DAPK1: variants seen among roughly 807,000 people sequenced by gnomAD.
DAPK1 encodes death-associated protein kinase 1.
A neutral mutation model predicts 144.9 loss-of-function variants in DAPK1; 56 were observed. The ratio of observed to expected loss-of-function variants is 0.39; its 90% CI spans 0.31 to 0.48. The LOEUF (loss-of-function observed/expected upper bound fraction) is 0.48, where lower values mean the gene tolerates loss of function less well. Among genes scored for constraint, DAPK1 ranks in the 20% least tolerant of loss-of-function variants. The pLI is 0.95. For synonymous variants in DAPK1, 690 were observed against 749.0 expected, an observed-to-expected ratio of 0.92 and a Z score of 1.29; for missense variants, 1,454 against 1,875.4, an observed-to-expected ratio of 0.78 and a Z score of 4.15.
intron 3 of DAPK1, among the ~76,000 whole-genome samples, chr9:87,613,966 C>T (rs889254178): frequency 2.0e-5 from 3 of 152,158 alleles, no homozygotes; most frequent in African/African-American, 4.8e-5. Flanking sequence ...TCTGGCATCC[C>T]GCTCCTCAGA....
intron 17 of DAPK1, chr9:87,657,354 C>T (rs1234314028): frequency 6.5e-6 from 1 of 153,030 alleles, no homozygotes; most frequent in Non-Finnish European, 1.5e-5. Context: ...TGGACACGGC[C>T]TCATTTCCTG....
At chr9:87,555,440 CACAA>C (rs1454517193) in intron 2 of DAPK1, among the ~76,000 whole-genome samples, 1 of 151,990 alleles carries the variant, frequency 6.6e-6, no homozygotes, top group Non-Finnish European at 1.5e-5. Flanking sequence ...GTATTAGTAA[CACAA>C]ACAACAACAG....
At chr9:87,659,815 T>C (rs1481262185) in intron 18 of DAPK1, among the ~76,000 whole-genome samples, 8 of 148,552 alleles carry the variant, frequency 5.4e-5, no homozygotes, top group African/African-American at 2.1e-4. Context: ...TCAGTCACTC[T>C]GCACACACCG....
chr9:87,674,948 G>A (rs1043855056), intron 19 of DAPK1, among the ~76,000 whole-genome samples: 1 of 152,214 alleles, frequency 6.6e-6, no homozygotes, highest in African/African-American at 2.4e-5. Flanking sequence ...ACACTGAAAA[G>A]ATATTTCCAG....
chr9:87,598,079 T>C (rs1828383179), intron 2 of DAPK1, among the ~76,000 whole-genome samples: 1 of 152,222 alleles, frequency 6.6e-6, no homozygotes, highest in African/African-American at 2.4e-5. Context: ...TATTATCAGA[T>C]GTTAACTCAT....
intron 3 of DAPK1, among the ~76,000 whole-genome samples, chr9:87,634,919 C>T (rs1829837537): frequency 6.6e-6 from 1 of 152,150 alleles, no homozygotes; most frequent in Non-Finnish European, 1.5e-5. Flanking sequence ...GGTTTGAAGC[C>T]ACATGGGAAG....
chr9:87,701,789 T>G, intron 24 of DAPK1: 1 of 457,886 alleles, frequency 2.2e-6, no homozygotes, highest in South Asian at 1.6e-5. Flanking sequence ...AGATTCTGGT[T>G]CTAGATGTGC....
intron 21 of DAPK1, among the ~76,000 whole-genome samples, chr9:87,687,606 G>A (rs560216505): frequency 4.6e-5 from 7 of 152,196 alleles, no homozygotes; most frequent in African/African-American, 1.2e-4. Context: ...AAACATGGGC[G>A]TGCACGTATC....
rs369586281 is a variant in DAPK1, at chr9:87,665,068, C to CT, written c.1924-3526dup. On this transcript the variant is annotated intron_variant, in intron 18 of 25. Coordinates refer to ENST00000408954, the MANE Select transcript of DAPK1 (RefSeq NM_004938.4). Reference sequence around the variant, plus strand: ...TCGAGCTTCACCTTCTCAGGGAGGCCTTTCTGGACCACCCTATTTTAAATC... The same window carrying CT: ...TCGAGCTTCACCTTCTCAGGGAGGCCTTTTCTGGACCACCCTATTTTAAATC... Among the ~76,000 whole-genome samples the CT allele has an allele frequency of 3.2e-3, 492 of 152,284 alleles. 4 individuals are homozygous for CT. Among genetic ancestry groups the CT allele is most frequent in the African/African-American group, 0.011 (475 of 41,536 alleles).
chr9:87,650,981 A>G (rs544460799), intron 16 of DAPK1, among the ~76,000 whole-genome samples: 1 of 152,334 alleles, frequency 6.6e-6, no homozygotes, highest in Non-Finnish European at 1.5e-5. Flanking sequence ...AACTCAACAC[A>G]TCTATTCATT....
Position 87,706,121 on chromosome 9 carries a change from T to TC in DAPK1, c.3061-5dup, listed in dbSNP as rs767860793. The TC allele has an allele frequency of 7.6e-6, 12 of 1,570,286 alleles. No homozygotes were observed. Among genetic ancestry groups the TC allele is most frequent in the African/African-American group, 4.0e-5 (3 of 74,144 alleles). ...TGTCCCTAAGCGTGACTTTCTGTTG[T>TC]CCCCCCGCAGATCAACATCATGCAA... On this transcript the variant is annotated splice_polypyrimidine_tract_variant and intron_variant, in intron 25 of 25. Transcript: ENST00000408954. The surrounding 1 kb of genome is among the most constrained non-coding windows in gnomAD (Gnocchi z 9.0).
rs182967513 is a variant in DAPK1 at position 87,649,493 on chromosome 9, G to A, written c.1429-428G>A. On this transcript the variant is annotated intron_variant, in intron 15 of 25. Coordinates refer to ENST00000408954, the MANE Select transcript of DAPK1 (RefSeq NM_004938.4). Reference sequence around the variant, plus strand: ...CATTAAGGTTGCTGGAAGAATTCATGCTCAGGGAAGTGGTTACCTACTGTT... The same window carrying A: ...CATTAAGGTTGCTGGAAGAATTCATACTCAGGGAAGTGGTTACCTACTGTT... Among the ~76,000 whole-genome samples, 440 of 152,324 alleles carry A rather than the reference G, an allele frequency of 2.9e-3. 6 individuals are homozygous for A. Among genetic ancestry groups the A allele is most frequent in the Non-Finnish European group, 4.4e-4 (30 of 68,030 alleles).
chr9:87,612,564 T>C (rs1195485777), intron 3 of DAPK1, among the ~76,000 whole-genome samples: 1 of 152,138 alleles, frequency 6.6e-6, no homozygotes, highest in Non-Finnish European at 1.5e-5. Flanking sequence ...CCATGTGTGG[T>C]CCTTTGTTAG....
intron 3 of DAPK1, among the ~76,000 whole-genome samples, chr9:87,614,297 T>G (rs1040679480): frequency 2.6e-5 from 4 of 152,214 alleles, no homozygotes; most frequent in African/African-American, 9.6e-5. Context: ...ATCTGTAGTT[T>G]TTAGGATATA....
At chr9:87,696,064 C>T (rs907185843) in intron 21 of DAPK1, among the ~76,000 whole-genome samples, 25 of 151,964 alleles carry the variant, frequency 1.6e-4, no homozygotes, top group Non-Finnish European at 1.3e-4. Flanking sequence ...CACACTTCTG[C>T]GTAATATGAC....
At chr9:87,516,059 G>T (rs567771457) in intron 2 of DAPK1, among the ~76,000 whole-genome samples, 1 of 152,198 alleles carries the variant, frequency 6.6e-6, no homozygotes, top group African/African-American at 2.4e-5. Context: ...CCCAGTCAGC[G>T]CATCCCTGCC....
At chr9:87,683,624 T>TCTGC (rs559905200) in intron 20 of DAPK1, among the ~76,000 whole-genome samples, 168 of 152,312 alleles carry the variant, frequency 1.1e-3, no homozygotes, top group African/African-American at 3.9e-3. Flanking sequence ...CACCTGTGGC[T>TCTGC]CTGCCCTTGG....
chr9:87,527,018 C>T (rs7860999), intron 2 of DAPK1, among the ~76,000 whole-genome samples: 67,899 of 152,038 alleles, frequency 0.45, 15,448 homozygotes, highest in South Asian at 0.57. Flanking sequence ...ACCAGTTGCC[C>T]AGGGCCTTTG....
At chr9:87,632,456 GTATA>G (rs1426864683) in intron 3 of DAPK1, 6 of 981,024 alleles carry the variant, frequency 6.1e-6, no homozygotes, top group Non-Finnish European at 4.8e-6. Flanking sequence ...AGGAGGATGA[GTATA>G]TATATAGGAA....
Sources: allele counts gnomAD v4.1 joint callset (sites outside exome capture counted in the v4.1 genomes callset), GRCh38; gene constraint gnomAD v4.1.1; non-coding constraint Gnocchi (gnomAD v3.1); transcripts MANE v1.5; gene names NCBI Gene and HGNC (gene_info 2026-07-23, HGNC 2026-07-21).